Variants in KCNAB2 observed in about 807,000 individuals in gnomAD.
The protein encoded by KCNAB2 is potassium voltage-gated channel subfamily A regulatory beta subunit 2.
A neutral mutation model predicts 63.6 loss-of-function variants in KCNAB2; 29 were observed. That is an observed-to-expected ratio of 0.46 (90% CI 0.34 to 0.62). The LOEUF is 0.62. KCNAB2 is among the 20% of genes least tolerant of loss of function. The pLI, the probability that KCNAB2 is intolerant of heterozygous loss-of-function variation, is 0.01. For synonymous variants in KCNAB2, 222 were observed against 224.2 expected (o/e 0.99, Z 0.09); for missense variants, 359 against 563.9 (o/e 0.64, Z 3.68).
At chr1:6,056,320 C>T (rs1219728844) in intron 2 of KCNAB2, among the ~76,000 whole-genome samples, 7 of 152,224 alleles carry the variant, frequency 4.6e-5, no homozygotes, top group Non-Finnish European at 4.4e-5. Context: ...GCTGGGATTA[C>T]AGGCGTGAGC....
At chr1:6,032,447 C>T (rs184239906), upstream of KCNAB2, among the ~76,000 whole-genome samples, 64 of 152,046 alleles carry the variant, frequency 4.2e-4, no homozygotes, top group African/African-American at 1.4e-3. Flanking sequence ...CATGGTGGCA[C>T]GCGCCTGTAG....
intron 1 of KCNAB2, chr1:6,007,516 C>CTCCTCCGCGCT (rs1657884559): frequency 6.6e-6 from 1 of 152,584 alleles, no homozygotes; most frequent in South Asian, 2.0e-4. Flanking sequence ...ACCTCTGCGC[C>CTCCTCCGCGCT]TCCTCCGCGC....
Position 6,096,562 on chromosome 1 carries a change from C to T in KCNAB2, c.949-74C>T, listed in dbSNP as rs1665656037. On this transcript the variant is annotated intron_variant, in intron 13 of 15. Transcript: ENST00000378083. This position sits in a 1 kb window ranked among gnomAD's most constrained non-coding sequence, Gnocchi z 5.9. Reference sequence around the variant, plus strand: ...AAGGGTCCAGAAGGAATGAGCCCATCGGCCCCCTGCACGTGGGGGTCCAGG... The same window carrying T: ...AAGGGTCCAGAAGGAATGAGCCCATTGGCCCCCTGCACGTGGGGGTCCAGG... 7.2e-6 allele frequency: 11 copies of T among 1,522,586 alleles called. No homozygotes were observed. Among genetic ancestry groups the T allele is most frequent in the East Asian group, 2.3e-5 (1 of 42,828 alleles). 94.3% of individuals were successfully genotyped at this position (1,522,586 alleles called of 1,614,324 possible).
chr1:6,017,090 C>A (rs1180713006), intron 1 of KCNAB2, among the ~76,000 whole-genome samples: 1 of 152,004 alleles, frequency 6.6e-6, no homozygotes, highest in African/African-American at 2.4e-5. Flanking sequence ...TCAGTGAGAC[C>A]CCCTCCCCAC....
In KCNAB2 at chr1:6,011,408, G is replaced by A. The variant is rs1365786364; in HGVS notation, c.-53+18620G>A. ...CAGCTGTGCCCAGGGCCAGGTGTGC[G>A]GGAGGCGAGGCAGGCAGCTGTGCCC... On this transcript the variant is annotated intron_variant, in intron 1 of 16. Transcript: ENST00000341524. 4.2e-5 allele frequency among the ~76,000 whole-genome samples: 6 copies of A among 143,446 alleles called. 1 individual carries two copies. The South Asian group carries it at 6.8e-4, about 16-fold the overall frequency. 94.1% of individuals were successfully genotyped at this position (143,446 alleles called of 152,430 possible).
intron 5 of KCNAB2, among the ~76,000 whole-genome samples, chr1:6,084,733 T>A (rs537583985): frequency 6.6e-6 from 1 of 151,196 alleles, no homozygotes. Flanking sequence ...GGAGAACTGC[T>A]TGAACCCAGG....
At position 6,100,277 on chromosome 1, in the gene KCNAB2, C is replaced by A; in HGVS notation, c.*1703C>A. 2.0e-6 allele frequency: 1 copy of A among 497,162 alleles called. No homozygotes were observed. The highest frequency in any genetic ancestry group is 4.8e-5 in the South Asian group (1 of 20,726). 30.8% of individuals were successfully genotyped at this position (497,162 alleles called of 1,614,324 possible). ...CGACCCCCCTTCATGCTGCCCCTGG[C>A]GCCTAGAACCCTTGCCCCTCCTCAT... On this transcript the variant is annotated 3_prime_UTR_variant, in exon 16 of 16. Transcript: ENST00000378083.
chr1:6,023,132 T>C (rs1177077829), intron 1 of KCNAB2, among the ~76,000 whole-genome samples: 1 of 152,172 alleles, frequency 6.6e-6, no homozygotes. Flanking sequence ...TCTGCCTGCC[T>C]TGGCCTCCCA....
Position 6,074,505 on chromosome 1 carries a change from C to T in KCNAB2, c.300+735C>T, listed in dbSNP as rs1663499435. Among the ~76,000 whole-genome samples the T allele has an allele frequency of 1.3e-5, 2 of 152,190 alleles. No individual in the cohort carries two copies. The highest frequency in any genetic ancestry group is 4.8e-5 in the African/African-American group (2 of 41,444). Reference sequence around the variant, plus strand: ...GGGCATCTGCACAAGAAGCAGTTTTCACATTTATCCTACTTAGCACTAGAA... The same window carrying T: ...GGGCATCTGCACAAGAAGCAGTTTTTACATTTATCCTACTTAGCACTAGAA... On this transcript the variant is annotated intron_variant, in intron 4 of 15. Coordinates refer to ENST00000378083, the MANE Select transcript of KCNAB2 (RefSeq NM_001199862.2). The surrounding 1 kb of genome is among the most constrained non-coding windows in gnomAD (Gnocchi z 4.9).
chr1:6,033,829 G>C (rs1032898547), upstream of KCNAB2, among the ~76,000 whole-genome samples: 1 of 152,170 alleles, frequency 6.6e-6, no homozygotes, highest in South Asian at 2.1e-4. Context: ...TCATTGCTCC[G>C]TGAGAAGTTG....
chr1:6,076,150 G>A (rs1405958754), intron 4 of KCNAB2, among the ~76,000 whole-genome samples: 2 of 152,238 alleles, frequency 1.3e-5, no homozygotes, highest in Non-Finnish European at 2.9e-5. Context: ...ACTATCTGCA[G>A]GGCTGCTGTG....
intron 1 of KCNAB2, among the ~76,000 whole-genome samples, chr1:6,015,885 T>G (rs1287546302): frequency 6.6e-6 from 1 of 152,078 alleles, no homozygotes; most frequent in Non-Finnish European, 1.5e-5. Flanking sequence ...TTGTATTTTT[T>G]TGTAGAGACG....
intron 1 of KCNAB2, among the ~76,000 whole-genome samples, chr1:6,022,105 T>A (rs1315789712): frequency 6.6e-6 from 1 of 151,062 alleles, no homozygotes; most frequent in Non-Finnish European, 1.5e-5. Context: ...TGGTATTAGG[T>A]GTATAGTTCA....
At chr1:6,062,695 T>A (rs1662420095) in intron 2 of KCNAB2, among the ~76,000 whole-genome samples, 1 of 152,112 alleles carries the variant, frequency 6.6e-6, no homozygotes, top group African/African-American at 2.4e-5. Flanking sequence ...CACAAGTGAC[T>A]CCGAGTTCAA....
At chr1:6,077,956 G>A (rs1051753009) in intron 4 of KCNAB2, among the ~76,000 whole-genome samples, 3 of 152,220 alleles carry the variant, frequency 2.0e-5, no homozygotes, top group South Asian at 2.1e-4. Context: ...CAGCAGCAAC[G>A]TATTCTCTCA....
chr1:6,029,733 A>G (rs1659457275), upstream of KCNAB2, among the ~76,000 whole-genome samples: 1 of 152,250 alleles, frequency 6.6e-6, no homozygotes, highest in Non-Finnish European at 1.5e-5. Flanking sequence ...GTCATAGACC[A>G]GCACATGGCA....
chr1:6,095,550 T>A lies in KCNAB2; in HGVS notation c.874T>A (p.Ser292Thr). ...HKIGVGAMTW[S>T]PLACGIVSGK... ...TTCAGGAGTGGGCGCCATGACCTGGTCCCCTCTGGCCTGTGGCATTGTTTC... is the reference window on the plus strand; with the variant it reads ...TTCAGGAGTGGGCGCCATGACCTGGACCCCTCTGGCCTGTGGCATTGTTTC... The change falls in exon 13 of 16, where the codon TCC becomes ACC. Residue 292 changes from serine (S) to threonine (T), a missense_variant. Physicochemically the swap from Ser to Thr is moderately conservative, Grantham distance 58. Around this residue, in one of 2 missense-constraint regions of KCNAB2, gnomAD observed 271 missense variants for 476.1 expected, o/e 0.57. Transcript: ENST00000378083. 6.2e-7 allele frequency: 1 copy of A among 1,608,380 alleles called. No homozygotes were observed. The highest frequency in any genetic ancestry group is 8.5e-7 in the Non-Finnish European group (1 of 1,177,838).
chr1:6,000,511 C>G (rs1043594797), intron 1 of KCNAB2, among the ~76,000 whole-genome samples: 9 of 152,166 alleles, frequency 5.9e-5, no homozygotes, highest in Non-Finnish European at 1.0e-4. Context: ...AGCTGCCATG[C>G]TCTCTCTCCA....
intron 1 of KCNAB2, among the ~76,000 whole-genome samples, chr1:6,019,083 A>G (rs184764510): frequency 2.0e-5 from 3 of 152,264 alleles, no homozygotes; most frequent in African/African-American, 7.2e-5. Flanking sequence ...TGTAAGGCCA[A>G]GAGTCTGAGA....
Sources: allele counts gnomAD v4.1 joint callset (sites outside exome capture counted in the v4.1 genomes callset), GRCh38; gene constraint gnomAD v4.1.1; regional missense constraint gnomAD v4.1.1; non-coding constraint Gnocchi (gnomAD v3.1); transcripts MANE v1.5; gene names NCBI Gene and HGNC (gene_info 2026-07-23, HGNC 2026-07-21).